SUPT3H: variants seen among roughly 807,000 people sequenced by gnomAD.
SUPT3H encodes the protein transcription initiation protein SPT3 homolog.
SUPT3H carries 44 observed loss-of-function variants against 44.3 expected under a neutral mutation model. The observed-to-expected ratio is 0.99, with a 90% CI of 0.78 to 1.28. The LOEUF is 1.28. Among genes scored for constraint, SUPT3H ranks in the 50% most tolerant of loss-of-function variants. SUPT3H has a pLI of 0.00. For synonymous variants in SUPT3H, 124 were observed against 125.6 expected (o/e 0.99, Z 0.09); for missense variants, 380 against 387.1 (o/e 0.98, Z 0.15).
intron 10 of SUPT3H, among the ~76,000 whole-genome samples, chr6:44,862,637 C>G (rs1364382855): frequency 6.8e-6 from 1 of 147,424 alleles, no homozygotes; most frequent in South Asian, 2.1e-4. Context: ...AAGATTGCGC[C>G]ACTGCACTCC....
At chr6:44,834,027 G>A (rs1386019838) in intron 10 of SUPT3H, among the ~76,000 whole-genome samples, 1 of 152,120 alleles carries the variant, frequency 6.6e-6, no homozygotes, top group Non-Finnish European at 1.5e-5. Flanking sequence ...GTATAGTATA[G>A]AACATTGCAC....
chr6:45,213,491 C>G (rs375821249), intron 2 of SUPT3H, among the ~76,000 whole-genome samples: 1 of 151,984 alleles, frequency 6.6e-6, no homozygotes. Flanking sequence ...ACCTATTATT[C>G]TTCATTGGCA....
chr6:45,316,913 T>C (rs1784779571), intron 2 of SUPT3H, among the ~76,000 whole-genome samples: 1 of 152,142 alleles, frequency 6.6e-6, no homozygotes, highest in South Asian at 2.1e-4. Context: ...TCTAACTTTA[T>C]GTATTGAAAG....
rs1242150377 is a variant in SUPT3H, at chr6:44,985,216, TA to T, written c.504+18436del. Among the ~76,000 whole-genome samples, 18 of 122,050 alleles carry T rather than the reference TA, an allele frequency of 1.5e-4. 1 individual carries two copies. In the South Asian group the frequency reaches 1.5e-3, roughly 10 times the overall value. 80.1% of individuals were successfully genotyped at this position (122,050 alleles called of 152,430 possible). On this transcript the variant is annotated intron_variant, in intron 6 of 10. Coordinates refer to ENST00000371459, the MANE Select transcript of SUPT3H (RefSeq NM_003599.4). ...ATAAATAAATAAATAAATAAATAAATAAAATAAAATAAAATAAAATAAATAA... is the reference window on the plus strand; with the variant it reads ...ATAAATAAATAAATAAATAAATAAATAAATAAAATAAAATAAAATAAATAA...
intron 2 of SUPT3H, among the ~76,000 whole-genome samples, chr6:45,152,545 G>A (rs899978802): frequency 2.6e-5 from 4 of 152,152 alleles, no homozygotes; most frequent in African/African-American, 9.7e-5. Flanking sequence ...AGGCTAGAGT[G>A]CAGTAGTCCT....
At chr6:44,924,314 CA>C in intron 10 of SUPT3H, among the ~76,000 whole-genome samples, 1 of 152,054 alleles carries the variant, frequency 6.6e-6, no homozygotes, top group South Asian at 2.1e-4. Context: ...TAAAAATATA[CA>C]AAAATAAAGT....
intron 10 of SUPT3H, among the ~76,000 whole-genome samples, chr6:44,893,460 G>C (rs542483905): frequency 1.3e-5 from 2 of 150,858 alleles, no homozygotes; most frequent in Non-Finnish European, 2.9e-5. Flanking sequence ...TCCCACCTAC[G>C]AATATGCGGT....
intron 2 of SUPT3H, among the ~76,000 whole-genome samples, chr6:45,272,493 C>T (rs1390336417): frequency 6.6e-6 from 1 of 152,138 alleles, no homozygotes; most frequent in African/African-American, 2.4e-5. Context: ...ACTGTTAGTC[C>T]AATTAAACCT....
At chr6:45,258,711 C>A (rs1346629138) in intron 2 of SUPT3H, among the ~76,000 whole-genome samples, 3 of 152,146 alleles carry the variant, frequency 2.0e-5, no homozygotes, top group Admixed American at 2.0e-4. Flanking sequence ...CTATGGAAAA[C>A]TAAGCCTTCA....
chr6:44,927,046 A>G (rs992349570), intron 10 of SUPT3H, among the ~76,000 whole-genome samples: 4 of 152,172 alleles, frequency 2.6e-5, no homozygotes, highest in African/African-American at 9.6e-5. Context: ...AGATGGATAA[A>G]TATTTACATA....
chr6:45,300,807 T>C (rs1368853010), intron 2 of SUPT3H, among the ~76,000 whole-genome samples: 1 of 126,600 alleles, frequency 7.9e-6, no homozygotes, highest in Non-Finnish European at 1.6e-5. Flanking sequence ...TGGGGGTGGG[T>C]GTTAGGTCAA....
intron 10 of SUPT3H, among the ~76,000 whole-genome samples, chr6:44,915,888 C>G (rs1234311070): frequency 6.6e-6 from 1 of 152,120 alleles, no homozygotes; most frequent in Non-Finnish European, 1.5e-5. Flanking sequence ...AAGCTGCACC[C>G]CAACCACCTT....
chr6:44,900,771 C>G (rs546436774), intron 10 of SUPT3H, among the ~76,000 whole-genome samples: 2 of 152,268 alleles, frequency 1.3e-5, no homozygotes, highest in South Asian at 4.1e-4. Context: ...GAGGCACCCC[C>G]TAGCAGGGGC....
At chr6:45,029,970 T>C (rs1334066504) in intron 3 of SUPT3H, among the ~76,000 whole-genome samples, 7 of 152,194 alleles carry the variant, frequency 4.6e-5, no homozygotes, top group African/African-American at 7.2e-5. Flanking sequence ...TCTCACTTTA[T>C]TGTAGGCTGT....
chr6:45,244,566 A>G (rs1372104002), intron 2 of SUPT3H, among the ~76,000 whole-genome samples: 2 of 152,174 alleles, frequency 1.3e-5, no homozygotes, highest in African/African-American at 4.8e-5. Context: ...TGTCCACACA[A>G]TACTAAATTC....
intron 10 of SUPT3H, among the ~76,000 whole-genome samples, chr6:44,831,811 A>AAT (rs1768812489): frequency 6.6e-6 from 1 of 152,142 alleles, no homozygotes; most frequent in African/African-American, 2.4e-5. Context: ...GGCAATATAA[A>AAT]ATAGTTCTTA....
At chr6:45,090,807 A>C (rs9472438) in intron 3 of SUPT3H, among the ~76,000 whole-genome samples, 18,109 of 151,860 alleles carry the variant, frequency 0.12, 1,260 homozygotes, top group African/African-American at 0.19. Flanking sequence ...AAAAATTATT[A>C]TTCTTTTAAC....
rs181117739 is a variant in SUPT3H, at chr6:44,834,775, G to C, written c.913-4918C>G. Among the ~76,000 whole-genome samples the C allele has an allele frequency of 4.4e-3, 672 of 152,198 alleles. 6 individuals are homozygous for C. The highest frequency in any genetic ancestry group is 8.4e-3 in the Non-Finnish European group (568 of 67,990). The stretch of plus-strand genomic sequence containing the variant: ...GTGTTTAGCTTCCCCGGCCTTAATG[G>C]GGAAAACAGATGCAGGGAAAGAAAC... On this transcript the variant is annotated intron_variant, in intron 10 of 10. Coordinates refer to ENST00000371459, the MANE Select transcript of SUPT3H (RefSeq NM_003599.4).
At chr6:45,003,061 AAAT>A (rs1460005090) in intron 6 of SUPT3H, among the ~76,000 whole-genome samples, 1 of 152,180 alleles carries the variant, frequency 6.6e-6, no homozygotes, top group Admixed American at 6.6e-5. Context: ...GTGTTTAAAG[AAAT>A]AATAATTTTA....
Sources: allele counts gnomAD v4.1 joint callset (sites outside exome capture counted in the v4.1 genomes callset), GRCh38; gene constraint gnomAD v4.1.1; transcripts MANE v1.5; gene names NCBI Gene and HGNC (gene_info 2026-07-23, HGNC 2026-07-21).